PTPRQ: variants seen among roughly 807,000 people sequenced by gnomAD.
The protein encoded by PTPRQ is phosphatidylinositol phosphatase PTPRQ.
In PTPRQ, 199 loss-of-function variants were observed where a neutral mutation model predicts 246.0. That is an observed-to-expected ratio of 0.81 (90% CI 0.72 to 0.91). The LOEUF (loss-of-function observed/expected upper bound fraction) is 0.91, where lower values mean the gene tolerates loss of function less well. Ranked by LOEUF, PTPRQ falls within the 40% of genes least tolerant of loss-of-function variation. PTPRQ has a pLI of 0.00. For synonymous variants in PTPRQ, 869 were observed against 853.2 expected (o/e 1.02, Z -0.32); for missense variants, 2,624 against 2,528.4 (o/e 1.04, Z -0.81).
intron 17 of PTPRQ, among the ~76,000 whole-genome samples, chr12:80,512,304 A>G (rs1455245289): frequency 2.6e-5 from 4 of 152,214 alleles, no homozygotes; most frequent in African/African-American, 7.2e-5. Context: ...TTCCCTTCCT[A>G]GAGCTTCCGT....
chr12:80,464,073 C>G (rs546650594), intron 6 of PTPRQ, among the ~76,000 whole-genome samples: 3,566 of 151,926 alleles, frequency 0.023, 151 homozygotes, highest in African/African-American at 0.082. Context: ...CACAGACTGG[C>G]AAATTAGATA....
chr12:80,634,303 A>G (rs1409168538), intron 34 of PTPRQ, among the ~76,000 whole-genome samples: 1 of 152,172 alleles, frequency 6.6e-6, no homozygotes, highest in East Asian at 1.9e-4. Context: ...TTACTTTGTA[A>G]TATACCATAC....
At chr12:80,449,612 GCAC>G (rs1345068051) in intron 3 of PTPRQ, among the ~76,000 whole-genome samples, 1 of 151,586 alleles carries the variant, frequency 6.6e-6, no homozygotes, top group African/African-American at 2.4e-5. Context: ...AGTTTTCCCA[GCAC>G]CATTTATTAA....
rs567391099 is a variant in PTPRQ at position 80,546,613 on chromosome 12, T to C, written c.3931T>C (p.Tyr1311His). ...KLVGLEPVST[Y>H]SIRVSAFTKV... ...TGTTGGACTGGAACCAGTCAGCACC[T>C]ACTCTATCCGTGTATCTGCGTTCAC... Residue 1311 changes from tyrosine (Y) to histidine (H), a missense_variant, in exon 24 of 45, where the codon TAC (tyrosine) becomes CAC (histidine). Physicochemically the swap from Tyr to His is moderately conservative, Grantham distance 83. Coordinates refer to ENST00000644991, the MANE Select transcript of PTPRQ (RefSeq NM_001145026.2). 1 of 1,551,328 alleles carries C rather than the reference T, an allele frequency of 6.4e-7. No homozygotes were observed. The highest frequency in any genetic ancestry group is 1.4e-5 in the African/African-American group (1 of 73,148).
chr12:80,593,097 A>G (rs1897856871), intron 26 of PTPRQ, among the ~76,000 whole-genome samples: 1 of 152,212 alleles, frequency 6.6e-6, no homozygotes, highest in Admixed American at 6.5e-5. Flanking sequence ...AGACTAAACA[A>G]CAATATAAAA....
chr12:80,581,252 A>G (rs768027139), intron 25 of PTPRQ, among the ~76,000 whole-genome samples: 1 of 152,222 alleles, frequency 6.6e-6, no homozygotes, highest in Non-Finnish European at 1.5e-5. Context: ...GATCTAAAAA[A>G]GAATAAATAA....
intron 26 of PTPRQ, among the ~76,000 whole-genome samples, chr12:80,596,622 C>G (rs1225635964): frequency 6.6e-6 from 1 of 151,966 alleles, no homozygotes; most frequent in African/African-American, 2.4e-5. Flanking sequence ...TTCTTTCTGT[C>G]CATTCAACAA....
Position 80,506,635 on chromosome 12 carries a change from G to A in PTPRQ, c.2522G>A (p.Arg841Gln), listed in dbSNP as rs748192361. The change falls in exon 16 of 45, where the codon CGG becomes CAG. Residue 841 changes from arginine to glutamine, a missense_variant. Coordinates refer to ENST00000644991, the MANE Select transcript of PTPRQ (RefSeq NM_001145026.2). ...SASTLKGEGV[R>Q]SAPISILTEE... ...AGTACACTCAAAGGTGAAGGAGTTC[G>A]GAGTGCTCCCATAAGTATACTGACG... is the stretch of plus-strand genomic sequence containing the variant. 2.0e-4 allele frequency: 309 copies of A among 1,543,946 alleles called. No homozygotes were observed. The highest frequency in any genetic ancestry group is 2.6e-4 in the Non-Finnish European group (293 of 1,141,602).
At position 80,585,737 on chromosome 12, in the gene PTPRQ, T is replaced by C. The variant is rs138517403; in HGVS notation, c.4286-2392T>C. 4.5e-3 allele frequency among the ~76,000 whole-genome samples: 678 copies of C among 152,242 alleles called. 5 individuals carry two copies. The highest frequency in any genetic ancestry group is 0.015 in the African/African-American group (619 of 41,516). The stretch of plus-strand genomic sequence containing the variant: ...AATTTAGTATCTTCTTTTTCTTTTT[T>C]TTTTTATTATTATACTTTAAGTTTT... On this transcript the variant is annotated intron_variant, in intron 25 of 44. Transcript: ENST00000644991.
chr12:80,649,701 A>G (rs1438858776), intron 37 of PTPRQ, 32 bp downstream of exon 37: 2 of 1,535,054 alleles, frequency 1.3e-6, no homozygotes, highest in Admixed American at 4.0e-5. Context: ...CAACATTGCA[A>G]GACCTCCAGT....
At chr12:80,447,557 A>C (rs568505543) in intron 3 of PTPRQ, among the ~76,000 whole-genome samples, 1 of 152,222 alleles carries the variant, frequency 6.6e-6, no homozygotes, top group Admixed American at 6.6e-5. Flanking sequence ...TCCTTAATCC[A>C]GAATGTGCTA....
chr12:80,616,185 A>G lies in PTPRQ; in HGVS notation c.5164-15A>G. 1 of 1,453,752 alleles carries G rather than the reference A, an allele frequency of 6.9e-7. No homozygotes were observed. The highest frequency in any genetic ancestry group is 2.0e-4 in the Middle Eastern group (1 of 5,008). The allele number at this position is 1,453,752 out of a possible 1,614,324, so 90.1% of individuals were successfully genotyped here. A position where few individuals can be genotyped will look rare whatever the true frequency, so the allele number is the denominator to read the frequency against. On this transcript the variant is annotated splice_polypyrimidine_tract_variant and intron_variant, in intron 29 of 44. Transcript: ENST00000644991. ...CAATCACTTGAAAATAGTAACAAAT[A>G]TTTGTTTGTTTTAGGTTTACGCAGT...
At chr12:80,522,054 G>C (rs1025359971) in intron 17 of PTPRQ, among the ~76,000 whole-genome samples, 1 of 152,102 alleles carries the variant, frequency 6.6e-6, no homozygotes, top group Non-Finnish European at 1.5e-5. Flanking sequence ...GTGGTTTGTA[G>C]TTCTCCTTGA....
chr12:80,543,172 T>A (rs934827228), intron 23 of PTPRQ, among the ~76,000 whole-genome samples: 1 of 152,182 alleles, frequency 6.6e-6, no homozygotes, highest in African/African-American at 2.4e-5. Context: ...TAGTACTTTT[T>A]TCCTGACTTA....
chr12:80,601,144 C>T (rs1206948167), intron 26 of PTPRQ, among the ~76,000 whole-genome samples: 1 of 151,796 alleles, frequency 6.6e-6, no homozygotes, highest in Non-Finnish European at 1.5e-5. Context: ...TGCCCATGAC[C>T]TTGTCTCATT....
chr12:80,444,875 G>C, intron 2 of PTPRQ, 26 bp downstream of exon 2: 1 of 1,485,572 alleles, frequency 6.7e-7, no homozygotes, highest in East Asian at 2.7e-5. Context: ...AAATTACTTT[G>C]TAAGTAAAGT....
At chr12:80,585,775 C>A (rs1166779365) in intron 25 of PTPRQ, among the ~76,000 whole-genome samples, 2 of 150,864 alleles carry the variant, frequency 1.3e-5, no homozygotes, top group Non-Finnish European at 2.9e-5. Context: ...GGTACATGTG[C>A]ACATTGTGCA....
chr12:80,612,317 T>TA (rs1285770779), intron 28 of PTPRQ, among the ~76,000 whole-genome samples: 2 of 150,186 alleles, frequency 1.3e-5, no homozygotes, highest in African/African-American at 2.4e-5. Flanking sequence ...CCCAGCAATT[T>TA]AAAAAAATCC....
chr12:80,647,202 GTCACTAAA>G, intron 35 of PTPRQ, among the ~76,000 whole-genome samples: 1 of 152,132 alleles, frequency 6.6e-6, no homozygotes. Flanking sequence ...CTACTAGCCT[GTCACTAAA>G]TCATATATAT....
Sources: gnomAD v4.1 joint callset for allele counts (sites outside exome capture counted in the v4.1 genomes callset) on GRCh38, gnomAD v4.1.1 for gene constraint, MANE v1.5 for transcripts, NCBI Gene and HGNC (gene_info 2026-07-23, HGNC 2026-07-21) for gene names.